The following CNTNAP2 variants were observed in gnomAD, a reference collection of about 807,000 sequenced individuals.
The protein encoded by CNTNAP2 is contactin associated protein 2.
A neutral mutation model predicts 155.2 loss-of-function variants in CNTNAP2; 98 were observed. The observed-to-expected ratio is 0.63, with a 90% confidence interval of 0.54 to 0.75. The LOEUF is 0.75. Ranked by LOEUF, CNTNAP2 falls within the 30% of genes least tolerant of loss-of-function variation. The probability of loss-of-function intolerance (pLI) is 0.00; values close to 1 mark genes in which losing one functional copy is unlikely to be tolerated. For synonymous variants in CNTNAP2, 651 were observed against 631.2 expected, an observed-to-expected ratio of 1.03 and a Z score of -0.47; for missense variants, 1,727 against 1,688.1, an observed-to-expected ratio of 1.02 and a Z score of -0.40.
chr7:147,813,771 A>G (rs1329814376), intron 13 of CNTNAP2, among the ~76,000 whole-genome samples: 1 of 152,214 alleles, frequency 6.6e-6, no homozygotes, highest in East Asian at 1.9e-4. Context: ...CTTCAATTAT[A>G]GCAGTTAAGA....
intron 12 of CNTNAP2, among the ~76,000 whole-genome samples, chr7:147,611,032 G>A (rs969707268): frequency 5.3e-5 from 8 of 152,022 alleles, no homozygotes; most frequent in East Asian, 1.9e-4. Context: ...GAGCCACCAC[G>A]CCTGGCCCAT....
At chr7:147,248,915 C>G (rs55675711) in intron 8 of CNTNAP2, among the ~76,000 whole-genome samples, 2 of 152,036 alleles carry the variant, frequency 1.3e-5, no homozygotes, top group African/African-American at 4.8e-5. Context: ...TGAGTCAGGA[C>G]GAAGCACAGG....
intron 1 of CNTNAP2, among the ~76,000 whole-genome samples, chr7:146,167,507 G>A (rs73160692): frequency 0.052 from 7,882 of 152,266 alleles, 239 homozygotes; most frequent in Middle Eastern, 0.1. Context: ...TAGCAGAAAG[G>A]ATGAAGAGGA....
intron 1 of CNTNAP2, among the ~76,000 whole-genome samples, chr7:146,258,618 A>T (rs1367358187): frequency 6.6e-6 from 1 of 152,180 alleles, no homozygotes; most frequent in African/African-American, 2.4e-5. Flanking sequence ...TTTACTTGTT[A>T]CCATATATTA....
intron 20 of CNTNAP2, among the ~76,000 whole-genome samples, chr7:148,264,972 C>G (rs1796641399): frequency 6.6e-6 from 1 of 152,172 alleles, no homozygotes; most frequent in African/African-American, 2.4e-5. Context: ...GGATTACAGG[C>G]GTAAGCCACT....
intron 17 of CNTNAP2, among the ~76,000 whole-genome samples, chr7:148,160,107 G>T (rs1186141033): frequency 2.0e-5 from 3 of 152,252 alleles, no homozygotes; most frequent in Middle Eastern, 6.8e-3. Context: ...GGATGTGGTG[G>T]CACACACCTG....
At chr7:148,234,365 C>G (rs541063185) in intron 20 of CNTNAP2, among the ~76,000 whole-genome samples, 1 of 152,272 alleles carries the variant, frequency 6.6e-6, no homozygotes, top group African/African-American at 2.4e-5. Flanking sequence ...ACTGTTATTA[C>G]CATAAGATAG....
At chr7:146,165,819 A>T (rs201165822) in intron 1 of CNTNAP2, among the ~76,000 whole-genome samples, 1 of 152,202 alleles carries the variant, frequency 6.6e-6, no homozygotes. Context: ...ACCTAGCAGC[A>T]TCATTTGTGT....
chr7:146,758,367 C>T (rs1480638383), intron 1 of CNTNAP2, among the ~76,000 whole-genome samples: 1 of 152,074 alleles, frequency 6.6e-6, no homozygotes, highest in Non-Finnish European at 1.5e-5. Context: ...GAACATAAAA[C>T]ATGGAAGAGG....
At chr7:147,405,501 G>A (rs1278448471) in intron 10 of CNTNAP2, among the ~76,000 whole-genome samples, 1 of 152,170 alleles carries the variant, frequency 6.6e-6, no homozygotes, top group Non-Finnish European at 1.5e-5. Flanking sequence ...GGAAGTTGGA[G>A]CTTGTAGGAC....
At chr7:147,285,215 G>A (rs564247122) in intron 8 of CNTNAP2, among the ~76,000 whole-genome samples, 1 of 151,948 alleles carries the variant, frequency 6.6e-6, no homozygotes, top group South Asian at 2.1e-4. Context: ...TCTTTTCCTT[G>A]TCAGGATTCT....
chr7:146,322,634 CT>C lies in CNTNAP2; in HGVS notation c.97+205679del, dbSNP rs56287346. Among the ~76,000 whole-genome samples the C allele has an allele frequency of 1.2e-3, 78 of 64,956 alleles. 3 individuals are homozygous for C. Among genetic ancestry groups the C allele is most frequent in the African/African-American group, 3.2e-3 (58 of 18,020 alleles). 42.6% of individuals were successfully genotyped at this position (64,956 alleles called of 152,430 possible). Reference sequence around the variant, plus strand: ...AAGAGGAGACTGTTGTGTTCATTCTCTTTTTTTTTTTTTTTTTTGCTGGCTA... The same window carrying C: ...AAGAGGAGACTGTTGTGTTCATTCTCTTTTTTTTTTTTTTTTTGCTGGCTA... On this transcript the variant is annotated intron_variant, in intron 1 of 23. Transcript: ENST00000361727.
intron 15 of CNTNAP2, among the ~76,000 whole-genome samples, chr7:148,062,028 AGTGTGTGTGTGTGTGTGTGT>A (rs199528714): frequency 4.7e-5 from 5 of 105,980 alleles, no homozygotes; most frequent in South Asian, 3.3e-4. Flanking sequence ...AGAGAGAGAG[AGTGTGTGTGTGTGTGTGTGT>A]GTGTGTGTGT....
In CNTNAP2 at chr7:148,418,609, A is replaced by G. The variant is rs1024040176; in HGVS notation, c.*2993A>G. 1 of 152,220 alleles carries G rather than the reference A, an allele frequency of 6.6e-6. No individual in the cohort carries two copies. The highest frequency in any genetic ancestry group is 1.5e-5 in the Non-Finnish European group (1 of 68,042). 9.4% of individuals were successfully genotyped at this position (152,220 alleles called of 1,614,324 possible). On this transcript the variant is annotated 3_prime_UTR_variant, in exon 24 of 24. Coordinates refer to ENST00000361727, the MANE Select transcript of CNTNAP2 (RefSeq NM_014141.6). ...TAGTGAGATCCTAAGCTCTCAAAAT[A>G]GCATATTCCCTAGAGCTCAAGAAAG... is the stretch of plus-strand genomic sequence containing the variant.
chr7:147,619,127 T>C (rs1278049665), intron 12 of CNTNAP2, among the ~76,000 whole-genome samples: 2 of 152,172 alleles, frequency 1.3e-5, no homozygotes, highest in African/African-American at 4.8e-5. Flanking sequence ...GATACTAAAT[T>C]CTCAGTAGTT....
In CNTNAP2 at chr7:146,975,172, C is replaced by CAGT. The variant is rs1363092143; in HGVS notation, c.403-68732_403-68730dup. On this transcript the variant is annotated intron_variant, in intron 3 of 23. Coordinates refer to ENST00000361727, the MANE Select transcript of CNTNAP2 (RefSeq NM_014141.6). The stretch of plus-strand genomic sequence containing the variant: ...GAGAGAGAATCCAGAGTGAATAAGA[C>CAGT]AGTAGCTCACGGCTGGGCGCGTTGG... Among the ~76,000 whole-genome samples the CAGT allele has an allele frequency of 4.6e-5, 7 of 151,868 alleles. No individual in the cohort carries two copies. The East Asian group carries it at 1.4e-3, about 30-fold the overall frequency.
chr7:146,943,008 A>C (rs978771545), intron 3 of CNTNAP2, among the ~76,000 whole-genome samples: 9 of 152,178 alleles, frequency 5.9e-5, no homozygotes, highest in African/African-American at 2.2e-4. Context: ...CTGTAAAATA[A>C]AATAGAGTGT....
intron 1 of CNTNAP2, among the ~76,000 whole-genome samples, chr7:146,369,669 C>CATAT (rs1795206272): frequency 1.3e-5 from 2 of 152,214 alleles, no homozygotes; most frequent in South Asian, 4.1e-4. Context: ...GAACACTGAG[C>CATAT]ATATGTTTAA....
intron 12 of CNTNAP2, among the ~76,000 whole-genome samples, chr7:147,602,696 A>G (rs1258419462): frequency 2.0e-5 from 3 of 146,642 alleles, no homozygotes; most frequent in African/African-American, 7.6e-5. Context: ...GTGTCCATGT[A>G]TTCTCATTGT....
Sources: allele counts gnomAD v4.1 joint callset (sites outside exome capture counted in the v4.1 genomes callset), GRCh38; gene constraint gnomAD v4.1.1; transcripts MANE v1.5; gene names NCBI Gene and HGNC (gene_info 2026-07-23, HGNC 2026-07-21).